The following RNF212 variants were observed in gnomAD, a reference collection of about 807,000 sequenced individuals.
RNF212 encodes the protein probable E3 SUMO-protein ligase RNF212.
Under a neutral mutation model 34.7 loss-of-function variants are expected in RNF212, and 33 were observed. That is an observed-to-expected ratio of 0.95 (90% CI 0.72 to 1.27). RNF212 has a LOEUF of 1.27. Ranked by LOEUF, RNF212 falls within the 50% of genes most tolerant of loss-of-function variation. The probability of loss-of-function intolerance (pLI) is 0.00; values close to 1 mark genes in which losing one functional copy is unlikely to be tolerated. For synonymous variants in RNF212, 140 were observed against 136.1 expected (o/e 1.03, Z -0.20); for missense variants, 377 against 362.2 (o/e 1.04, Z -0.33).
intron 3 of RNF212, chr4:1,093,854 C>T (rs1052008812): frequency 5.2e-6 from 8 of 1,536,018 alleles, no homozygotes; most frequent in African/African-American, 4.1e-5. Flanking sequence ...GCTCTGGGAC[C>T]GCCGGCATCC....
chr4:1,113,618 C>T (rs1202704900), upstream of RNF212: 2 of 521,326 alleles, frequency 3.8e-6, no homozygotes, highest in Non-Finnish European at 6.5e-6. Flanking sequence ...CTCGCGCCCT[C>T]CCGCCAACCT....
chr4:1,064,355 T>C (rs1180114432), intron 3 of RNF212, among the ~76,000 whole-genome samples: 1 of 152,238 alleles, frequency 6.6e-6, no homozygotes, highest in Non-Finnish European at 1.5e-5. Flanking sequence ...TTGTAATCTC[T>C]AGAGGAATCA....
chr4:1,081,690 A>T (rs2153043489), intron 5 of RNF212, 71 bp from the exon 6 acceptor site: 1 of 1,035,708 alleles, frequency 9.7e-7, no homozygotes, highest in South Asian at 1.3e-5. Context: ...TCCCAACTGA[A>T]AGTGTAAGAA....
intron 3 of RNF212, among the ~76,000 whole-genome samples, chr4:1,065,848 A>AGTGCT (rs1280283156): frequency 6.6e-6 from 1 of 151,286 alleles, no homozygotes; most frequent in Non-Finnish European, 1.5e-5. Flanking sequence ...AGCCTCCCAA[A>AGTGCT]GTGCTGGGAT....
rs927374575 is a variant in RNF212 at position 1,072,577 on chromosome 4, T to G, written c.*297A>C. 5 of 867,628 alleles carry G rather than the reference T, an allele frequency of 5.8e-6. No homozygotes were observed. Among genetic ancestry groups the G allele is most frequent in the Non-Finnish European group, 7.2e-6 (5 of 695,284 alleles). The allele number at this position is 867,628 out of a possible 1,614,324, so 53.7% of individuals were successfully genotyped here. A position where few individuals can be genotyped will look rare whatever the true frequency, so the allele number is the denominator to read the frequency against. ...CCTAAAACTGCTCTAAGAAAAAGTT[T>G]TAAAAACCACCCAGTTAGAAAAAAA... is the stretch of plus-strand genomic sequence containing the variant. On this transcript the variant is annotated 3_prime_UTR_variant, in exon 10 of 10. Transcript: ENST00000433731.
chr4:1,061,481 G>A (rs930244520), intron 3 of RNF212, among the ~76,000 whole-genome samples: 1 of 152,210 alleles, frequency 6.6e-6, no homozygotes, highest in Non-Finnish European at 1.5e-5. Context: ...TGGAACCCTG[G>A]CCGACAGAAG....
chr4:1,101,319 C>T lies in RNF212; in HGVS notation c.172-4480G>A, dbSNP rs191735451. The T allele has an allele frequency of 4.5e-3, 1,209 of 271,632 alleles. 7 individuals carry two copies. The highest frequency in any genetic ancestry group is 6.5e-3 in the Non-Finnish European group (867 of 133,866). 16.8% of individuals were successfully genotyped at this position (271,632 alleles called of 1,614,324 possible). On this transcript the variant is annotated intron_variant, in intron 2 of 9. Coordinates refer to ENST00000433731, the MANE Select transcript of RNF212 (RefSeq NM_001131034.4). ...ATTGTATTGTTTTATTATTGGTAGA[C>T]AATACTGAGCAGAATTTTTCTCAGG...
At position 1,085,799 on chromosome 4, in the gene RNF212, C is replaced by T. The variant is rs1721068664; in HGVS notation, c.362+97G>A. ...GAACGAGCTCTTCCCTCTGCATCTGCAGTCATCTTTCATTCTTGATCTTGG... is the reference window on the plus strand; with the variant it reads ...GAACGAGCTCTTCCCTCTGCATCTGTAGTCATCTTTCATTCTTGATCTTGG... On this transcript the variant is annotated intron_variant, in intron 5 of 9. Transcript: ENST00000433731. 1.4e-5 allele frequency: 12 copies of T among 846,432 alleles called. No homozygotes were observed. The East Asian group carries it at 2.4e-4, about 17-fold the overall frequency. The allele number at this position is 846,432 out of a possible 1,614,324, so 52.4% of individuals were successfully genotyped here.
chr4:1,069,174 G>A (rs1359991565), downstream of RNF212, among the ~76,000 whole-genome samples: 1 of 150,692 alleles, frequency 6.6e-6, no homozygotes, highest in Non-Finnish European at 1.5e-5. Flanking sequence ...TTGCACCACT[G>A]CACTCCAGCC....
chr4:1,062,134 G>A (rs1717790952), intron 3 of RNF212, among the ~76,000 whole-genome samples: 2 of 152,196 alleles, frequency 1.3e-5, no homozygotes, highest in Admixed American at 1.3e-4. Flanking sequence ...ATTCTATGAG[G>A]ACAGAATGAG....
At chr4:1,074,242 C>T (rs1369561370) in intron 8 of RNF212, among the ~76,000 whole-genome samples, 1 of 152,174 alleles carries the variant, frequency 6.6e-6, no homozygotes, top group Admixed American at 6.5e-5. Flanking sequence ...CTGAGCCCCT[C>T]CTGCCTCTCA....
At chr4:1,087,929 G>A (rs1418885885) in intron 4 of RNF212, among the ~76,000 whole-genome samples, 1 of 152,096 alleles carries the variant, frequency 6.6e-6, no homozygotes. Context: ...GCAGAACTGT[G>A]AGTCAATTAA....
intron 8 of RNF212, among the ~76,000 whole-genome samples, chr4:1,074,351 C>T (rs78958397): frequency 1.3e-5 from 2 of 152,332 alleles, no homozygotes; most frequent in East Asian, 3.9e-4. Context: ...CTCCTGTTCC[C>T]AGGCTCCTTG....
At chr4:1,104,999 CTT>C (rs1291893956) in intron 2 of RNF212, among the ~76,000 whole-genome samples, 3 of 152,118 alleles carry the variant, frequency 2.0e-5, no homozygotes, top group East Asian at 1.9e-4. Flanking sequence ...GAGGAGCTCT[CTT>C]GTCTGCTGTC....
chr4:1,102,960 T>G (rs1577810044), intron 2 of RNF212, among the ~76,000 whole-genome samples: 1 of 147,414 alleles, frequency 6.8e-6, no homozygotes, highest in Non-Finnish European at 1.5e-5. Flanking sequence ...GCTAACAGGG[T>G]GAAACCCCCG....
At chr4:1,092,247 G>A (rs941284451) in intron 3 of RNF212, among the ~76,000 whole-genome samples, 7 of 152,224 alleles carry the variant, frequency 4.6e-5, no homozygotes, top group African/African-American at 1.7e-4. Flanking sequence ...GCCTTGGGGA[G>A]ACGAGGTCAG....
intron 3 of RNF212, among the ~76,000 whole-genome samples, chr4:1,092,422 G>A (rs1722332019): frequency 6.6e-6 from 1 of 152,286 alleles, no homozygotes; most frequent in South Asian, 2.1e-4. Context: ...CCACTTGTCT[G>A]GGTGTTGCAG....
At chr4:1,084,500 T>C (rs1035956509) in intron 5 of RNF212, among the ~76,000 whole-genome samples, 6 of 151,434 alleles carry the variant, frequency 4.0e-5, no homozygotes, top group Non-Finnish European at 8.8e-5. Flanking sequence ...GACGCTGAGG[T>C]GGGAGGATCA....
At position 1,073,001 on chromosome 4, in the gene RNF212, T is replaced by C. The variant is rs867479896; in HGVS notation, c.767A>G (p.Tyr256Cys). Residue 256 changes from tyrosine to cysteine, a missense_variant, in exon 10 of 10, where the codon TAT (tyrosine) becomes TGT (cysteine). By Grantham distance (194) the Tyr-to-Cys change is radical. Transcript: ENST00000433731. ...CAAGACGGCCCTTTGTACCTCAGCA[T>C]ATATTGGAAGTGTTTTAGAGTTGGT... is the stretch of plus-strand genomic sequence containing the variant. ...ELTNSKTLPIYAEVQRAVLFP... is the reference protein window; with the variant it reads ...ELTNSKTLPICAEVQRAVLFP... The C allele has an allele frequency of 6.2e-7, 1 of 1,614,084 alleles. No homozygotes were observed. The highest frequency in any genetic ancestry group is 8.5e-7 in the Non-Finnish European group (1 of 1,180,002).
Sources: allele counts gnomAD v4.1 joint callset (sites outside exome capture counted in the v4.1 genomes callset), GRCh38; gene constraint gnomAD v4.1.1; transcripts MANE v1.5; gene names NCBI Gene and HGNC (gene_info 2026-07-23, HGNC 2026-07-21).